ATP2C2: variants seen among roughly 807,000 people sequenced by gnomAD.
ATP2C2 encodes the protein ATPase secretory pathway Ca2+ transporting 2.
ATP2C2 carries 171 observed loss-of-function variants against 110.8 expected under a neutral mutation model. The ratio of observed to expected loss-of-function variants is 1.54; its 90% confidence interval spans 1.36 to 1.75. The LOEUF (loss-of-function observed/expected upper bound fraction) is 1.75, where lower values mean the gene tolerates loss of function less well. Among genes scored for constraint, ATP2C2 ranks in the 40% most tolerant of loss-of-function variants. The pLI is 0.00. For missense variants in ATP2C2, 1,963 were observed against 1,235.0 expected (o/e 1.59, Z -8.84); for synonymous variants, 804 against 508.4 (o/e 1.58, Z -7.82).
chr16:84,429,082 C>G (rs1347303102), intron 11 of ATP2C2, among the ~76,000 whole-genome samples: 1 of 152,130 alleles, frequency 6.6e-6, no homozygotes, highest in Non-Finnish European at 1.5e-5. Flanking sequence ...GTCTTGATCT[C>G]TAGTGAATTG....
At chr16:84,435,170 TTTGA>T (rs1567721983) in intron 11 of ATP2C2, among the ~76,000 whole-genome samples, 4 of 152,260 alleles carry the variant, frequency 2.6e-5, no homozygotes, top group Admixed American at 2.0e-4. Flanking sequence ...ACCATATTTC[TTTGA>T]TTGTGAGATG....
At chr16:84,375,456 A>C (rs779124328) in intron 1 of ATP2C2, among the ~76,000 whole-genome samples, 6 of 151,704 alleles carry the variant, frequency 4.0e-5, no homozygotes, top group Non-Finnish European at 8.8e-5. Context: ...CAGAAGAATC[A>C]CTTGAATCGG....
At chr16:84,415,789 T>C (rs1032768976) in intron 7 of ATP2C2, among the ~76,000 whole-genome samples, 198 bp downstream of exon 7, 5 of 152,206 alleles carry the variant, frequency 3.3e-5, no homozygotes, top group Non-Finnish European at 7.3e-5. Flanking sequence ...ATTTCATAAA[T>C]TGTCATCCTC....
intron 6 of ATP2C2, 36 bp from the exon 7 acceptor site, chr16:84,415,447 C>A: frequency 6.4e-7 from 1 of 1,553,346 alleles, no homozygotes; most frequent in Non-Finnish European, 8.9e-7. Flanking sequence ...CAAATGTCAG[C>A]ATGGATGCTT....
chr16:84,412,880 GAGGTCAGGAGTTCAA>G (rs1207106211), intron 6 of ATP2C2, among the ~76,000 whole-genome samples: 3 of 151,964 alleles, frequency 2.0e-5, no homozygotes, highest in Non-Finnish European at 4.4e-5. Context: ...CAGCTCACCT[GAGGTCAGGAGTTCAA>G]GACCAGCCTG....
chr16:84,411,327 A>T (rs1906267733), intron 6 of ATP2C2, among the ~76,000 whole-genome samples: 1 of 152,172 alleles, frequency 6.6e-6, no homozygotes, highest in Admixed American at 6.5e-5. Flanking sequence ...GACAAGACTA[A>T]AATGTCTGCC....
At chr16:84,404,927 A>G (rs1249152500) in intron 2 of ATP2C2, 2 of 685,772 alleles carry the variant, frequency 2.9e-6, no homozygotes, top group African/African-American at 1.8e-5. Context: ...TGTAATTATA[A>G]TGGTCACTGG....
At chr16:84,385,915 G>A (rs1274812327) in intron 1 of ATP2C2, among the ~76,000 whole-genome samples, 1 of 152,174 alleles carries the variant, frequency 6.6e-6, no homozygotes, top group Non-Finnish European at 1.5e-5. Flanking sequence ...CACAGAGCCA[G>A]GCCATATCAG....
In ATP2C2 at chr16:84,406,011, T is replaced by A. The variant is rs188498764; in HGVS notation, c.327+767T>A. Among the ~76,000 whole-genome samples the A allele has an allele frequency of 1.8e-3, 277 of 152,340 alleles. 4 individuals carry two copies. The highest frequency in any genetic ancestry group is 1.5e-3 in the East Asian group (8 of 5,188). ...TGTCCCAATACAGTGGACGTGCTTA[T>A]ACTAAAAACAAAAAGTTCCTTGTTT... On this transcript the variant is annotated intron_variant, in intron 3 of 26. Coordinates refer to ENST00000262429, the MANE Select transcript of ATP2C2 (RefSeq NM_014861.4).
chr16:84,414,409 G>T (rs1247609353), intron 6 of ATP2C2, among the ~76,000 whole-genome samples: 1 of 152,196 alleles, frequency 6.6e-6, no homozygotes, highest in African/African-American at 2.4e-5. Context: ...ATCCCAGATG[G>T]CTGCCACAGC....
intron 11 of ATP2C2, among the ~76,000 whole-genome samples, chr16:84,426,884 C>T (rs1485031121): frequency 1.3e-5 from 2 of 152,166 alleles, no homozygotes; most frequent in South Asian, 4.1e-4. Flanking sequence ...ATAAGTCATC[C>T]CAAGCCCCTG....
chr16:84,376,241 G>C (rs1567682166), intron 1 of ATP2C2, among the ~76,000 whole-genome samples: 1 of 152,204 alleles, frequency 6.6e-6, no homozygotes, highest in South Asian at 2.1e-4. Flanking sequence ...AAAGGTCTCT[G>C]GTTCAAGGAA....
chr16:84,368,781 C>A, intron 1 of ATP2C2, 67 bp downstream of exon 1: 1 of 1,307,452 alleles, frequency 7.6e-7, no homozygotes, highest in Non-Finnish European at 1.0e-6. Flanking sequence ...GTAACCGTCC[C>A]CGGCCCGAGA....
At chr16:84,388,374 G>C (rs1904442297) in intron 1 of ATP2C2, among the ~76,000 whole-genome samples, 1 of 152,126 alleles carries the variant, frequency 6.6e-6, no homozygotes, top group Non-Finnish European at 1.5e-5. Flanking sequence ...ACATCAGTCA[G>C]AGTCCTCTAC....
At chr16:84,400,702 A>G (rs1442040826) in intron 2 of ATP2C2, among the ~76,000 whole-genome samples, 2 of 152,256 alleles carry the variant, frequency 1.3e-5, no homozygotes, top group East Asian at 1.9e-4. Context: ...ACAGTGTACA[A>G]GGGTTCCCTT....
intron 17 of ATP2C2, among the ~76,000 whole-genome samples, chr16:84,449,798 T>C (rs911035165): frequency 6.6e-6 from 1 of 152,246 alleles, no homozygotes; most frequent in African/African-American, 2.4e-5. Context: ...AGTAGCTCCC[T>C]GTTCTTGTCA....
rs370969450 is a variant in ATP2C2 at position 84,440,901 on chromosome 16, A to G, written c.1254A>G (p.Leu418=). The change falls in exon 14 of 27, where the codon CTA becomes CTG. Residue 418 remains leucine, a synonymous_variant. Transcript: ENST00000262429. The stretch of plus-strand genomic sequence containing the variant: ...ACGGTCAAGGGACTGTGTGTCTTCT[A>G]CCATCCAAGGAAGTCATTAAGGAAT... ...GYDGQGTVCL[L]PSKEVIKEFS... 6 of 1,613,544 alleles carry G rather than the reference A, an allele frequency of 3.7e-6. No homozygotes were observed. The highest frequency in any genetic ancestry group is 4.2e-6 in the Non-Finnish European group (5 of 1,179,982).
At chr16:84,459,870 T>G in intron 23 of ATP2C2, 1 of 364,974 alleles carries the variant, frequency 2.7e-6, no homozygotes, top group Non-Finnish European at 5.2e-6. Context: ...TGTCTAGAGA[T>G]AAAGGGCTTG....
intron 6 of ATP2C2, among the ~76,000 whole-genome samples, chr16:84,412,262 G>A (rs1303826481): frequency 7.9e-6 from 1 of 127,244 alleles, no homozygotes; most frequent in African/African-American, 2.5e-5. Context: ...GTATGTGTGT[G>A]TATGTATGTG....
Sources: gnomAD v4.1 joint callset for allele counts (sites outside exome capture counted in the v4.1 genomes callset) on GRCh38, gnomAD v4.1.1 for gene constraint, MANE v1.5 for transcripts, NCBI Gene and HGNC (gene_info 2026-07-23, HGNC 2026-07-21) for gene names.